Variants in SHISA9 observed in about 807,000 individuals in gnomAD.
SHISA9 encodes the protein protein shisa-9.
Under a neutral mutation model 38.0 loss-of-function variants are expected in SHISA9, and 13 were observed. The ratio of observed to expected loss-of-function variants is 0.34; its 90% CI spans 0.22 to 0.54. The LOEUF is 0.54. Ranked by LOEUF, SHISA9 falls within the 20% of genes least tolerant of loss-of-function variation. The pLI, the probability that SHISA9 is intolerant of heterozygous loss-of-function variation, is 0.91. For missense variants in SHISA9, 538 were observed against 575.8 expected, an observed-to-expected ratio of 0.93 and a Z score of 0.67; for synonymous variants, 275 against 242.0, an observed-to-expected ratio of 1.14 and a Z score of -1.27.
chr16:12,937,846 A>G (rs2071554118), intron 2 of SHISA9, among the ~76,000 whole-genome samples: 1 of 152,046 alleles, frequency 6.6e-6, no homozygotes, highest in Non-Finnish European at 1.5e-5. Context: ...TCAGTCCATA[A>G]CAGTGGATAC....
the SHISA9 span, among the ~76,000 whole-genome samples, chr16:13,281,968 G>A: frequency 2.0e-5 from 3 of 151,564 alleles, no homozygotes; most frequent in African/African-American, 4.8e-5. Context: ...ATTTTACAAT[G>A]TTATTATTTT....
chr16:13,064,802 GAAAAA>G (rs932500001), intron 2 of SHISA9, among the ~76,000 whole-genome samples: 1 of 127,754 alleles, frequency 7.8e-6, no homozygotes, highest in Non-Finnish European at 1.7e-5. Context: ...AAAAAAAAAA[GAAAAA>G]AAGAGAACAA....
chr16:13,294,418 C>T, the SHISA9 span, among the ~76,000 whole-genome samples: 2 of 152,108 alleles, frequency 1.3e-5, no homozygotes. Flanking sequence ...CTTCCTGGAC[C>T]AGCATATAGC....
chr16:13,115,163 T>A (rs926201798), intron 2 of SHISA9, among the ~76,000 whole-genome samples: 1 of 152,210 alleles, frequency 6.6e-6, no homozygotes, highest in Admixed American at 6.5e-5. Context: ...TTAGCAGGGA[T>A]GATATTCAAA....
the SHISA9 span, among the ~76,000 whole-genome samples, chr16:13,533,893 C>A: frequency 6.6e-6 from 1 of 151,170 alleles, no homozygotes; most frequent in East Asian, 2.0e-4. Context: ...ACACCATTCT[C>A]CTGCCTCAGC....
the SHISA9 span, among the ~76,000 whole-genome samples, chr16:13,485,403 G>A: frequency 3.5e-4 from 53 of 152,206 alleles, no homozygotes; most frequent in African/African-American, 1.1e-3. Flanking sequence ...GGTATTCCAC[G>A]GTGTATATAT....
chr16:12,902,718 G>T, intron 1 of SHISA9, 91 bp downstream of exon 1: 1 of 1,291,456 alleles, frequency 7.7e-7, no homozygotes, highest in Non-Finnish European at 1.0e-6. Context: ...GCTCCCCACG[G>T]TCCCCGCTCC....
chr16:12,950,914 ATTTT>A (rs955071205), intron 2 of SHISA9, among the ~76,000 whole-genome samples: 18 of 135,782 alleles, frequency 1.3e-4, no homozygotes, highest in African/African-American at 4.4e-4. Context: ...GGCCCTTTTA[ATTTT>A]TTTTTTTTTT....
chr16:13,208,392 C>A lies in SHISA9; in HGVS notation c.847+4843C>A, dbSNP rs552619424. 3.9e-4 allele frequency among the ~76,000 whole-genome samples: 59 copies of A among 151,280 alleles called. 1 individual carries two copies. Among genetic ancestry groups the A allele is most frequent in the Non-Finnish European group, 2.9e-5 (2 of 67,850 alleles). ...TATTTTTGTTTGCTTGTTGGGATCA[C>A]CCTCACTCATGTTTAAAGAGACCTC... On this transcript the variant is annotated intron_variant, in intron 3 of 4. Coordinates refer to ENST00000558583, the MANE Select transcript of SHISA9 (RefSeq NM_001145204.3).
chr16:13,537,533 ATTG>A, the SHISA9 span, among the ~76,000 whole-genome samples: 1 of 152,156 alleles, frequency 6.6e-6, no homozygotes, highest in African/African-American at 2.4e-5. Context: ...GTAACTACTT[ATTG>A]TTGTATTATG....
intron 2 of SHISA9, among the ~76,000 whole-genome samples, chr16:13,036,448 T>G (rs1159858155): frequency 1.3e-5 from 2 of 152,084 alleles, no homozygotes; most frequent in African/African-American, 4.8e-5. Context: ...GAAGGCTAAA[T>G]AGTGTTTGTC....
chr16:13,360,201 G>A, the SHISA9 span, among the ~76,000 whole-genome samples: 115 of 152,310 alleles, frequency 7.6e-4, no homozygotes, highest in Admixed American at 1.2e-3. Context: ...ATGAGTTAGT[G>A]CAAGACCACT....
intron 2 of SHISA9, among the ~76,000 whole-genome samples, chr16:13,066,251 A>G (rs1008367252): frequency 6.6e-6 from 1 of 152,186 alleles, no homozygotes; most frequent in African/African-American, 2.4e-5. Context: ...CTTGACATGT[A>G]GTGTGAATCA....
At chr16:13,270,897 C>T in the SHISA9 span, among the ~76,000 whole-genome samples, 2 of 152,076 alleles carry the variant, frequency 1.3e-5, no homozygotes, top group Non-Finnish European at 2.9e-5. Context: ...TTTGATAAGT[C>T]TCCCTTTAAG....
intron 2 of SHISA9, among the ~76,000 whole-genome samples, chr16:12,986,340 T>C (rs748541417): frequency 6.6e-5 from 10 of 152,198 alleles, no homozygotes; most frequent in Non-Finnish European, 1.0e-4. Context: ...TTGTGTGTGG[T>C]TGGGGAGACG....
At chr16:13,038,911 C>CAATATTATTAT (rs1390371100) in intron 2 of SHISA9, among the ~76,000 whole-genome samples, 4 of 152,080 alleles carry the variant, frequency 2.6e-5, no homozygotes, top group African/African-American at 9.7e-5. Flanking sequence ...AAAGAATTCC[C>CAATATTATTAT]AATATTATTA....
chr16:13,550,072 G>C, the SHISA9 span, among the ~76,000 whole-genome samples: 6 of 151,740 alleles, frequency 4.0e-5, no homozygotes, highest in African/African-American at 1.5e-4. Context: ...ACTCAATGAT[G>C]AGAAGGAGTG....
rs759183831 is a variant in SHISA9 at position 13,213,334 on chromosome 16, G to C, written c.895+34G>C. On this transcript the variant is annotated intron_variant, in intron 4 of 4. Transcript: ENST00000558583. ...CAGCTTTTTCTAGCTCTTTTGTCCA[G>C]GTGTTGTCAAAGTTAGCATTAAATA... The C allele has an allele frequency of 8.2e-4, 1,262 of 1,546,500 alleles. 1 individual carries two copies. Among genetic ancestry groups the C allele is most frequent in the Non-Finnish European group, 1.1e-3 (1,226 of 1,142,378 alleles).
At chr16:12,963,052 C>T (rs2071931516) in intron 2 of SHISA9, among the ~76,000 whole-genome samples, 1 of 152,232 alleles carries the variant, frequency 6.6e-6, no homozygotes, top group Non-Finnish European at 1.5e-5. Flanking sequence ...CTGTTAGCAA[C>T]CTTGGGTCCA....
Sources: allele counts gnomAD v4.1 joint callset (sites outside exome capture counted in the v4.1 genomes callset), GRCh38; gene constraint gnomAD v4.1.1; transcripts MANE v1.5; gene names NCBI Gene and HGNC (gene_info 2026-07-23, HGNC 2026-07-21).